Variants in RAVER2 observed in about 807,000 individuals in gnomAD.
RAVER2 encodes the protein ribonucleoprotein PTB-binding 2.
A neutral mutation model predicts 78.1 loss-of-function variants in RAVER2; 46 were observed. The ratio of observed to expected loss-of-function variants is 0.59; its 90% CI spans 0.46 to 0.75. The LOEUF (loss-of-function observed/expected upper bound fraction) is 0.75, where lower values mean the gene tolerates loss of function less well. RAVER2 is among the 30% of genes least tolerant of loss of function. RAVER2 has a pLI of 0.00. For missense variants in RAVER2, 793 were observed against 837.5 expected, an observed-to-expected ratio of 0.95 and a Z score of 0.66; for synonymous variants, 311 against 313.3, an observed-to-expected ratio of 0.99 and a Z score of 0.08.
intron 4 of RAVER2, among the ~76,000 whole-genome samples, chr1:64,782,885 C>G (rs1186662254): frequency 6.6e-6 from 1 of 152,186 alleles, no homozygotes; most frequent in African/African-American, 2.4e-5. Context: ...CCCCCAGCCC[C>G]CTACCCCGCG....
intron 2 of RAVER2, among the ~76,000 whole-genome samples, chr1:64,775,846 C>G (rs1188389019): frequency 1.3e-5 from 2 of 151,752 alleles, no homozygotes; most frequent in African/African-American, 4.8e-5. Context: ...TGGCGCAACC[C>G]CATCTCTACT....
chr1:64,763,955 C>CACACACACACACACACACACACA (rs3223239), intron 1 of RAVER2, among the ~76,000 whole-genome samples: 2 of 149,632 alleles, frequency 1.3e-5, no homozygotes, highest in East Asian at 4.0e-4. Context: ...CACACACACA[C>CACACACACACACACACACACACA]CCCTACCATG....
chr1:64,788,778 C>T (rs1294922801), intron 4 of RAVER2, among the ~76,000 whole-genome samples: 78 of 134,220 alleles, frequency 5.8e-4, no homozygotes, highest in Non-Finnish European at 9.4e-4. Flanking sequence ...GGTGACAGAG[C>T]GAGACTCCGT....
At chr1:64,768,558 G>T (rs566978240) in intron 1 of RAVER2, 98 bp from the exon 2 acceptor site, 2 of 750,988 alleles carry the variant, frequency 2.7e-6, no homozygotes, top group Non-Finnish European at 4.6e-6. Flanking sequence ...ATGGGACATG[G>T]TGGTGGTAAT....
intron 9 of RAVER2, among the ~76,000 whole-genome samples, chr1:64,808,048 T>C (rs1653494033): frequency 6.6e-6 from 1 of 152,144 alleles, no homozygotes; most frequent in South Asian, 2.1e-4. Context: ...CTAATTAAAG[T>C]ATTTTAATAT....
chr1:64,781,319 C>T lies in RAVER2; in HGVS notation c.787-61C>T, dbSNP rs552426418. Reference sequence around the variant, plus strand: ...GTTCTTGAATTTGAAAATTATATATCGTAAATAAATGTTTCTAAGTAAAGA... The same window carrying T: ...GTTCTTGAATTTGAAAATTATATATTGTAAATAAATGTTTCTAAGTAAAGA... On this transcript the variant is annotated intron_variant, in intron 3 of 11. Transcript: ENST00000294428. 586 of 1,402,342 alleles carry T rather than the reference C, an allele frequency of 4.2e-4. 1 individual carries two copies. Among genetic ancestry groups the T allele is most frequent in the Admixed American group, 9.8e-4 (43 of 43,660 alleles). The allele number at this position is 1,402,342 out of a possible 1,614,324, so 86.9% of individuals were successfully genotyped here.
At chr1:64,821,909 T>C (rs1157482437) in intron 11 of RAVER2, among the ~76,000 whole-genome samples, 1 of 152,168 alleles carries the variant, frequency 6.6e-6, no homozygotes, top group Non-Finnish European at 1.5e-5. Flanking sequence ...AAGTAATTAA[T>C]AGAAACTGCC....
At chr1:64,753,818 G>A (rs1018559332) in intron 1 of RAVER2, among the ~76,000 whole-genome samples, 3 of 152,026 alleles carry the variant, frequency 2.0e-5, no homozygotes, top group Admixed American at 6.6e-5. Context: ...CACCGTGCCC[G>A]GCCTCTCATT....
chr1:64,826,963 C>A lies in RAVER2; in HGVS notation c.1930-3876C>A, dbSNP rs562295238. 3.3e-5 allele frequency among the ~76,000 whole-genome samples: 5 copies of A among 152,150 alleles called. No homozygotes were observed. The South Asian group carries it at 8.3e-4, about 25-fold the overall frequency. On this transcript the variant is annotated intron_variant, in intron 11 of 11. Coordinates refer to ENST00000294428, the Ensembl canonical transcript of RAVER2. ...GATGGGTAAGACTGTGTGGGTGGAG[C>A]AAGTTTTATGGGTACGTTTTAGACA... is the stretch of plus-strand genomic sequence containing the variant.
At chr1:64,759,283 G>C (rs748614002) in intron 1 of RAVER2, among the ~76,000 whole-genome samples, 4 of 151,694 alleles carry the variant, frequency 2.6e-5, no homozygotes, top group Non-Finnish European at 5.9e-5. Flanking sequence ...GCAGTGGCGC[G>C]ATCTTGGCTA....
chr1:64,790,504 A>C (rs1267415769), intron 5 of RAVER2, among the ~76,000 whole-genome samples: 1 of 152,326 alleles, frequency 6.6e-6, no homozygotes, highest in African/African-American at 2.4e-5. Flanking sequence ...GGATATGCCA[A>C]AGAGAAGCTG....
intron 2 of RAVER2, among the ~76,000 whole-genome samples, chr1:64,773,180 G>A (rs937324295): frequency 1.3e-5 from 2 of 151,954 alleles, no homozygotes; most frequent in Non-Finnish European, 2.9e-5. Context: ...AGGAAGATGA[G>A]AAGTATTAGG....
intron 11 of RAVER2, among the ~76,000 whole-genome samples, chr1:64,821,328 A>T (rs12140511): frequency 0.072 from 10,929 of 151,800 alleles, 522 homozygotes; most frequent in Non-Finnish European, 0.098. Flanking sequence ...GTTTGCAAAA[A>T]TTTTCTCCCA....
At chr1:64,783,980 C>T (rs1652708453) in intron 4 of RAVER2, among the ~76,000 whole-genome samples, 1 of 152,216 alleles carries the variant, frequency 6.6e-6, no homozygotes, top group Admixed American at 6.6e-5. Context: ...GTAGTTTCTC[C>T]TCCACTGTTC....
chr1:64,791,966 C>T (rs1181341348), intron 5 of RAVER2, among the ~76,000 whole-genome samples: 2 of 152,012 alleles, frequency 1.3e-5, no homozygotes, highest in Non-Finnish European at 2.9e-5. Context: ...TTTTACAATG[C>T]AACTTTATCA....
chr1:64,753,635 T>C (rs999614783), intron 1 of RAVER2, among the ~76,000 whole-genome samples: 1 of 150,308 alleles, frequency 6.7e-6, no homozygotes, highest in Non-Finnish European at 1.5e-5. Context: ...GTGATTCTCA[T>C]GCCTCAGCCT....
At chr1:64,778,847 T>G (rs1335775009) in intron 3 of RAVER2, among the ~76,000 whole-genome samples, 1 of 149,466 alleles carries the variant, frequency 6.7e-6, no homozygotes, top group African/African-American at 2.4e-5. Flanking sequence ...CTTTTCCTCT[T>G]ACCTCTGTTG....
At chr1:64,803,827 A>C (rs965155456) in intron 6 of RAVER2, among the ~76,000 whole-genome samples, 2 of 152,194 alleles carry the variant, frequency 1.3e-5, no homozygotes, top group African/African-American at 4.8e-5. Flanking sequence ...GTAACATTTA[A>C]AGTCTATGTT....
chr1:64,751,815 C>A (rs907418848), intron 1 of RAVER2, among the ~76,000 whole-genome samples: 1 of 151,746 alleles, frequency 6.6e-6, no homozygotes, highest in South Asian at 2.1e-4. Context: ...GCTTAACTTT[C>A]CTCGCTCAGC....
Sources: gnomAD v4.1 joint callset for allele counts (sites outside exome capture counted in the v4.1 genomes callset) on GRCh38, gnomAD v4.1.1 for gene constraint, MANE v1.5 for transcripts, NCBI Gene and HGNC (gene_info 2026-07-23, HGNC 2026-07-21) for gene names.